The following ARB2A variants were observed in gnomAD, a reference collection of about 807,000 sequenced individuals.
ARB2A encodes the protein cotranscriptional regulator ARB2A.
At chr5:93,865,203 T>A in the ARB2A span, among the ~76,000 whole-genome samples, 1 of 152,150 alleles carries the variant, frequency 6.6e-6, no homozygotes, top group Non-Finnish European at 1.5e-5. Context: ...TGCCTCAGCC[T>A]CCTGAGTAGC....
the ARB2A span, among the ~76,000 whole-genome samples, chr5:94,097,966 C>T: frequency 6.6e-6 from 1 of 151,720 alleles, no homozygotes; most frequent in Non-Finnish European, 1.5e-5. Flanking sequence ...GAACTGGGAA[C>T]ACCTCAACTC....
chr5:93,733,558 G>A, the ARB2A span: 15 of 152,078 alleles, frequency 9.9e-5, no homozygotes, highest in African/African-American at 3.6e-4. Context: ...CAATGGAAAT[G>A]CACATTTTAA....
the ARB2A span, among the ~76,000 whole-genome samples, chr5:93,825,811 T>A: frequency 6.6e-6 from 1 of 151,768 alleles, no homozygotes; most frequent in Non-Finnish European, 1.5e-5. Flanking sequence ...TACATTCCCA[T>A]AGTTAGATGT....
the ARB2A span, among the ~76,000 whole-genome samples, chr5:93,858,650 A>G: frequency 6.6e-6 from 1 of 152,180 alleles, no homozygotes; most frequent in Non-Finnish European, 1.5e-5. Context: ...ATCTATTTCA[A>G]TGGCCTAGGA....
At chr5:93,954,876 C>T in the ARB2A span, among the ~76,000 whole-genome samples, 1 of 152,118 alleles carries the variant, frequency 6.6e-6, no homozygotes, top group African/African-American at 2.4e-5. Context: ...AGTCTAAATG[C>T]TCCCTCCATG....
chr5:94,060,210 TGTGTG>T, the ARB2A span, among the ~76,000 whole-genome samples: 14 of 151,892 alleles, frequency 9.2e-5, no homozygotes, highest in Non-Finnish European at 4.4e-5. Context: ...AAAATAGTCA[TGTGTG>T]GTGGTGCGCA....
At chr5:93,957,990 CAT>C in the ARB2A span, among the ~76,000 whole-genome samples, 54 of 151,762 alleles carry the variant, frequency 3.6e-4, no homozygotes, top group Non-Finnish European at 6.0e-4. Context: ...AAAATCTACT[CAT>C]GTGAAAGAAA....
At chr5:93,978,801 C>T in the ARB2A span, among the ~76,000 whole-genome samples, 2 of 151,858 alleles carry the variant, frequency 1.3e-5, no homozygotes, top group Non-Finnish European at 2.9e-5. Flanking sequence ...AATATTCTTT[C>T]TATATTACAA....
chr5:93,751,748 AG>A, the ARB2A span, among the ~76,000 whole-genome samples: 1 of 152,190 alleles, frequency 6.6e-6, no homozygotes, highest in African/African-American at 2.4e-5. Flanking sequence ...TTTTCTTTGA[AG>A]ACGTATGTTT....
At chr5:93,958,362 T>C in the ARB2A span, among the ~76,000 whole-genome samples, 1 of 152,036 alleles carries the variant, frequency 6.6e-6, no homozygotes, top group Non-Finnish European at 1.5e-5. Flanking sequence ...TCCTTTAGTT[T>C]CTAACTTTAC....
the ARB2A span, among the ~76,000 whole-genome samples, chr5:93,815,125 G>A: frequency 1.3e-5 from 2 of 152,196 alleles, no homozygotes; most frequent in Non-Finnish European, 2.9e-5. Context: ...TTACAGGCAT[G>A]AGCCTCAAGG....
chr5:93,905,423 A>G, the ARB2A span, among the ~76,000 whole-genome samples: 3 of 151,660 alleles, frequency 2.0e-5, no homozygotes, highest in Non-Finnish European at 4.4e-5. Flanking sequence ...TTCTGTAACT[A>G]TTAATTGGAA....
the ARB2A span, among the ~76,000 whole-genome samples, chr5:93,939,399 CTTAAG>C: frequency 6.6e-6 from 1 of 152,036 alleles, no homozygotes; most frequent in Admixed American, 6.6e-5. Context: ...AATTTCATAT[CTTAAG>C]TTGTGTCCTT....
the ARB2A span, among the ~76,000 whole-genome samples, chr5:93,678,664 G>A: frequency 2.6e-5 from 4 of 152,068 alleles, no homozygotes; most frequent in Admixed American, 6.6e-5. Context: ...GCTGAGGCAG[G>A]AGAATCGCTT....
At chr5:94,021,394 A>C in the ARB2A span, among the ~76,000 whole-genome samples, 2 of 152,204 alleles carry the variant, frequency 1.3e-5, no homozygotes, top group African/African-American at 4.8e-5. Flanking sequence ...CTTTATTTAC[A>C]GATGGCAGTT....
At chr5:94,007,824 T>C in the ARB2A span, among the ~76,000 whole-genome samples, 2 of 150,572 alleles carry the variant, frequency 1.3e-5, no homozygotes, top group Non-Finnish European at 3.0e-5. Context: ...AACAAAGGAC[T>C]TTATTAATAA....
At chr5:93,879,970 G>A in the ARB2A span, among the ~76,000 whole-genome samples, 1 of 151,778 alleles carries the variant, frequency 6.6e-6, no homozygotes, top group East Asian at 1.9e-4. Context: ...GTGGTTTACA[G>A]ACTGGATCAT....
the ARB2A span, chr5:93,733,097 T>C: frequency 6.6e-6 from 1 of 152,174 alleles, no homozygotes; most frequent in East Asian, 1.9e-4. Context: ...GTTAAACATT[T>C]AGGTTGTTTC....
the ARB2A span, among the ~76,000 whole-genome samples, chr5:93,698,909 T>C: frequency 8.2e-4 from 125 of 152,286 alleles, no homozygotes; most frequent in African/African-American, 2.9e-3. Flanking sequence ...CAGGGTGCCA[T>C]GGGGGCAGAG....
Sources: allele counts gnomAD v4.1 joint callset (sites outside exome capture counted in the v4.1 genomes callset), GRCh38; gene constraint gnomAD v4.1.1; transcripts MANE v1.5; gene names NCBI Gene and HGNC (gene_info 2026-07-23, HGNC 2026-07-21).